Variants in ACSS1 observed in about 807,000 individuals in gnomAD.
The protein encoded by ACSS1 is acetyl-coenzyme A synthetase 2-like, mitochondrial.
Under a neutral mutation model 75.3 loss-of-function variants are expected in ACSS1, and 42 were observed. The observed-to-expected ratio is 0.56, with a 90% CI of 0.44 to 0.72. The LOEUF (loss-of-function observed/expected upper bound fraction) is 0.72, where lower values mean the gene tolerates loss of function less well. Among genes scored for constraint, ACSS1 ranks in the 30% least tolerant of loss-of-function variants. The pLI is 0.00. For synonymous variants in ACSS1, 380 were observed against 376.8 expected (o/e 1.01, Z -0.10); for missense variants, 782 against 935.7 (o/e 0.84, Z 2.14).
intron 2 of ACSS1, among the ~76,000 whole-genome samples, chr20:25,039,474 T>A (rs1326157505): frequency 2.0e-5 from 3 of 152,250 alleles, no homozygotes; most frequent in Non-Finnish European, 4.4e-5. Context: ...AAAGGGAAAG[T>A]TAGCAAGAGA....
intron 1 of ACSS1, among the ~76,000 whole-genome samples, chr20:25,049,765 C>A (rs998068414): frequency 6.6e-6 from 1 of 152,096 alleles, no homozygotes; most frequent in Non-Finnish European, 1.5e-5. Flanking sequence ...AGTTAAGCTG[C>A]CTGGCCAAGG....
chr20:25,043,866 G>A (rs567662417), intron 2 of ACSS1, among the ~76,000 whole-genome samples: 1 of 152,210 alleles, frequency 6.6e-6, no homozygotes, highest in African/African-American at 2.4e-5. Context: ...CCAGAGGGAT[G>A]GGTCCAAGGC....
intron 1 of ACSS1, among the ~76,000 whole-genome samples, chr20:25,055,786 A>T (rs189283960): frequency 4.3e-4 from 65 of 152,312 alleles, no homozygotes; most frequent in Admixed American, 1.2e-3. Context: ...AAGCCATCTG[A>T]CTTTATCACA....
In ACSS1 at chr20:25,021,480, C is replaced by G. The variant is rs1568834627; in HGVS notation, c.1017G>C (p.Trp339Cys). 1 of 1,614,206 alleles carries G rather than the reference C, an allele frequency of 6.2e-7. No homozygotes were observed. The highest frequency in any genetic ancestry group is 8.5e-7 in the Non-Finnish European group (1 of 1,180,034). The stretch of plus-strand genomic sequence containing the variant: ...ACACCACGTAGCTGTGTCCTGTAAT[C>G]CAACCGATGTCGGCCACACAGCCAA... ...DIFGCVADIG[W>C]ITGHSYVVYG... The change falls in exon 6 of 14, where the codon TGG (tryptophan) becomes TGC (cysteine). Residue 339 changes from tryptophan to cysteine, a missense_variant. Physicochemically the swap from Trp to Cys is radical, Grantham distance 215. Transcript: ENST00000323482.
intron 5 of ACSS1, 42 bp downstream of exon 5, chr20:25,022,898 G>A: frequency 6.4e-7 from 1 of 1,557,166 alleles, no homozygotes; most frequent in South Asian, 1.2e-5. Flanking sequence ...CCCCTGCCTG[G>A]ATCCCTGCCA....
intron 10 of ACSS1, 104 bp from the exon 11 acceptor site, chr20:25,013,043 T>C (rs2088442452): frequency 6.5e-7 from 1 of 1,544,236 alleles, no homozygotes; most frequent in African/African-American, 1.4e-5. Context: ...GGCTGAAGTC[T>C]CGCCCATCGG....
rs754282680 is a variant in ACSS1, at chr20:25,021,491, C to T, written c.1006G>A (p.Asp336Asn). ...CTGTGTCCTGTAATCCAACCGATGT[C>T]GGCCACACAGCCAAAGATGTCACCT... is the stretch of plus-strand genomic sequence containing the variant. ...QPGDIFGCVA[D>N]IGWITGHSYV... The change falls in exon 6 of 14, where the codon GAC becomes AAC. Residue 336 changes from aspartate to asparagine, a missense_variant. By Grantham distance (23) the Asp-to-Asn change is conservative (BLOSUM62 1). Transcript: ENST00000323482. 1.1e-5 allele frequency: 18 copies of T among 1,614,106 alleles called. No homozygotes were observed. Among genetic ancestry groups the T allele is most frequent in the Admixed American group, 1.7e-5 (1 of 60,014 alleles).
chr20:25,053,456 G>C (rs1210863515), intron 1 of ACSS1, among the ~76,000 whole-genome samples: 1 of 152,104 alleles, frequency 6.6e-6, no homozygotes, highest in South Asian at 2.1e-4. Context: ...TTTTCCCAAA[G>C]CATCTGTTAT....
chr20:25,007,401 G>C lies in ACSS1; in HGVS notation c.*361C>G. On this transcript the variant is annotated 3_prime_UTR_variant, in exon 14 of 14. Coordinates refer to ENST00000323482, the MANE Select transcript of ACSS1 (RefSeq NM_032501.4). ...TCTGGAGAAAACACGGTTGCTACTA[G>C]CTAACTAGCTCTGTGTTATCTGAGC... The C allele has an allele frequency of 3.6e-6, 4 of 1,116,466 alleles. No homozygotes were observed. Among genetic ancestry groups the C allele is most frequent in the Non-Finnish European group, 4.4e-6 (4 of 912,412 alleles). The allele number at this position is 1,116,466 out of a possible 1,614,324, so 69.2% of individuals were successfully genotyped here. A position where few individuals can be genotyped will look rare whatever the true frequency, so the allele number is the denominator to read the frequency against.
At chr20:25,024,957 T>C (rs970011755) in intron 3 of ACSS1, among the ~76,000 whole-genome samples, 2 of 152,202 alleles carry the variant, frequency 1.3e-5, no homozygotes, top group African/African-American at 4.8e-5. Context: ...GCCTCAGCGA[T>C]AGCTCACCTG....
At chr20:25,051,540 C>T (rs945302025) in intron 1 of ACSS1, among the ~76,000 whole-genome samples, 2 of 152,216 alleles carry the variant, frequency 1.3e-5, no homozygotes, top group Non-Finnish European at 2.9e-5. Context: ...CAGTGTGCCC[C>T]GTCCCCGTTC....
In ACSS1 at chr20:25,019,193, G is replaced by A. The variant is rs888143826; in HGVS notation, c.1246+817C>T. Among the ~76,000 whole-genome samples, 7 of 152,060 alleles carry A rather than the reference G, an allele frequency of 4.6e-5. No individual in the cohort carries two copies. In the East Asian group the frequency reaches 5.8e-4, roughly 13 times the overall value. ...CCACCAAGCAGGTGGCTGACCACGC[G>A]TGACCACACGTCAAGGCAGACATGA... On this transcript the variant is annotated intron_variant, in intron 7 of 13. Transcript: ENST00000323482.
intron 5 of ACSS1, 64 bp from the exon 6 acceptor site, chr20:25,021,600 C>T: frequency 1.3e-6 from 2 of 1,577,596 alleles, no homozygotes; most frequent in South Asian, 1.2e-5. Flanking sequence ...CACACCAGGT[C>T]ACTAGGAAAT....
At chr20:25,028,922 A>G (rs2088775364) in intron 3 of ACSS1, among the ~76,000 whole-genome samples, 1 of 152,206 alleles carries the variant, frequency 6.6e-6, no homozygotes, top group Admixed American at 6.5e-5. Context: ...CCATCTCAAA[A>G]AGAAAAAAAA....
chr20:25,040,608 A>G (rs1345435945), intron 2 of ACSS1, among the ~76,000 whole-genome samples: 1 of 152,262 alleles, frequency 6.6e-6, no homozygotes, highest in Non-Finnish European at 1.5e-5. Flanking sequence ...GCCTTGACTT[A>G]TAACATTTGC....
rs760753789 is a variant in ACSS1, at chr20:25,023,468, G to T, written c.805C>A (p.Gln269Lys). ...CTGTGCAAAGCGAGGTAACCCACCT[G>T]CTCCAGCGGGACGTCCAGATCCCCC... ...HMGDLDVPLEQEMAKEDPVCA... is the reference protein window; with the variant it reads ...HMGDLDVPLEKEMAKEDPVCA... Residue 269 changes from glutamine to lysine, a missense_variant and splice_region_variant, in exon 4 of 14, where the codon CAG becomes AAG. Physicochemically the swap from Gln to Lys is moderately conservative, Grantham distance 53 (BLOSUM62 1). Around this residue, in one of 2 missense-constraint regions of ACSS1, gnomAD observed 377 missense variants for 383.1 expected, o/e 0.98. Coordinates refer to ENST00000323482, the MANE Select transcript of ACSS1 (RefSeq NM_032501.4). 6.2e-7 allele frequency: 1 copy of T among 1,614,020 alleles called. No individual in the cohort carries two copies. The highest frequency in any genetic ancestry group is 1.7e-5 in the Admixed American group (1 of 60,020).
intron 2 of ACSS1, chr20:25,045,800 C>T (rs1297401022): frequency 6.6e-6 from 1 of 152,290 alleles, no homozygotes; most frequent in East Asian, 1.9e-4. Context: ...GAGGAACTCA[C>T]ATCCCTCAAA....
At chr20:25,056,221 T>C (rs2089240374) in intron 1 of ACSS1, among the ~76,000 whole-genome samples, 1 of 152,156 alleles carries the variant, frequency 6.6e-6, no homozygotes, top group Non-Finnish European at 1.5e-5. Context: ...ACTGTGAATG[T>C]TCCCCATGAC....
At chr20:25,046,714 T>C (rs2122745159) in intron 2 of ACSS1, 1 of 747,130 alleles carries the variant, frequency 1.3e-6, no homozygotes, top group African/African-American at 1.7e-5. Flanking sequence ...GGGCCCACCG[T>C]GGCGAGGGGC....
Sources: allele counts gnomAD v4.1 joint callset (sites outside exome capture counted in the v4.1 genomes callset), GRCh38; gene constraint gnomAD v4.1.1; regional missense constraint gnomAD v4.1.1; transcripts MANE v1.5; gene names NCBI Gene and HGNC (gene_info 2026-07-23, HGNC 2026-07-21).